Variants in RCL1 observed in about 807,000 individuals in gnomAD.
The protein encoded by RCL1 is RNA 3'-terminal phosphate cyclase-like protein.
In RCL1, 24 loss-of-function variants were observed where a neutral mutation model predicts 42.4. That is an observed-to-expected ratio of 0.57 (90% CI 0.41 to 0.80). The LOEUF (loss-of-function observed/expected upper bound fraction) is 0.80. RCL1 is among the 30% of genes least tolerant of loss of function. RCL1 has a pLI of 0.00. For synonymous variants in RCL1, 228 were observed against 177.3 expected (o/e 1.29, Z -2.27); for missense variants, 578 against 467.9 (o/e 1.24, Z -2.17).
At chr9:4,843,996 C>T (rs1032120934) in intron 6 of RCL1, among the ~76,000 whole-genome samples, 6 of 152,104 alleles carry the variant, frequency 3.9e-5, no homozygotes, top group Admixed American at 1.3e-4. Context: ...TGTTAACCTT[C>T]GACTGCATAG....
At chr9:4,850,406 C>T (rs142269012) in intron 8 of RCL1, 32 of 506,154 alleles carry the variant, frequency 6.3e-5, no homozygotes, top group African/African-American at 3.6e-4. Flanking sequence ...TTGAGGACTG[C>T]GGTGGGGCTA....
intron 3 of RCL1, chr9:4,827,459 C>G (rs1269486338): frequency 5.7e-6 from 2 of 350,672 alleles, no homozygotes; most frequent in Non-Finnish European, 1.0e-5. Context: ...CTTACCCAGG[C>G]TTCAATCATA....
Position 4,858,011 on chromosome 9 carries a change from C to G in RCL1, c.972-2114C>G, listed in dbSNP as rs76008691. On this transcript the variant is annotated intron_variant, in intron 8 of 8. Coordinates refer to ENST00000381750, the MANE Select transcript of RCL1 (RefSeq NM_005772.5). ...AGTGGTGCAATCATAGCTCGAGTAG[C>G]TAGGACTACAGGCTCCTGCCATCAT... Among the ~76,000 whole-genome samples, 190 of 138,638 alleles carry G rather than the reference C, an allele frequency of 1.4e-3. 4 individuals are homozygous for G. The East Asian group carries it at 0.039, about 28-fold the overall frequency. 91.0% of individuals were successfully genotyped at this position (138,638 alleles called of 152,430 possible).
At chr9:4,841,018 C>T (rs989969848) in intron 5 of RCL1, among the ~76,000 whole-genome samples, 2 of 152,070 alleles carry the variant, frequency 1.3e-5, no homozygotes, top group East Asian at 1.9e-4. Flanking sequence ...TTATACTTTC[C>T]ACTGTCTCTA....
chr9:4,858,693 T>A (rs1818045837), intron 8 of RCL1, among the ~76,000 whole-genome samples: 1 of 152,218 alleles, frequency 6.6e-6, no homozygotes, highest in Non-Finnish European at 1.5e-5. Flanking sequence ...TCCATTGATC[T>A]ATGTGTTTAG....
intron 3 of RCL1, among the ~76,000 whole-genome samples, chr9:4,829,154 T>C (rs536936186): frequency 6.6e-6 from 1 of 152,152 alleles, no homozygotes; most frequent in Non-Finnish European, 1.5e-5. Flanking sequence ...TTGGGCTCGA[T>C]AGAGGTAGAA....
intron 1 of RCL1, among the ~76,000 whole-genome samples, chr9:4,795,978 C>T (rs1253012494): frequency 1.3e-5 from 2 of 152,172 alleles, no homozygotes; most frequent in Non-Finnish European, 2.9e-5. Context: ...AGAGCAGACA[C>T]TTCCCTGAAA....
At chr9:4,817,527 G>A (rs1463312859) in intron 1 of RCL1, among the ~76,000 whole-genome samples, 1 of 149,822 alleles carries the variant, frequency 6.7e-6, no homozygotes, top group African/African-American at 2.5e-5. Flanking sequence ...AGGCCACAGT[G>A]CAGTGGCTCC....
chr9:4,817,896 C>T, intron 1 of RCL1, among the ~76,000 whole-genome samples: 1 of 141,520 alleles, frequency 7.1e-6, no homozygotes, highest in African/African-American at 2.6e-5. Flanking sequence ...GTTCATTTTG[C>T]TCTTACTTTT....
At chr9:4,833,295 G>A (rs1013149609) in intron 4 of RCL1, 67 bp downstream of exon 4, 32 of 1,172,658 alleles carry the variant, frequency 2.7e-5, no homozygotes, top group Non-Finnish European at 3.8e-5. Context: ...CTCATTGGAA[G>A]AGCTGTGTGA....
intron 8 of RCL1, among the ~76,000 whole-genome samples, chr9:4,859,408 T>G (rs1818081379): frequency 6.6e-6 from 1 of 152,224 alleles, no homozygotes; most frequent in Admixed American, 6.5e-5. Flanking sequence ...CTAGTCTCTA[T>G]CTATACCACT....
chr9:4,827,209 G>A, intron 3 of RCL1, 176 bp downstream of exon 3: 1 of 1,531,416 alleles, frequency 6.5e-7, no homozygotes, highest in South Asian at 1.2e-5. Flanking sequence ...CCAAAACTTA[G>A]GATCATCAAA....
At chr9:4,793,427 C>T (rs901775314) in intron 1 of RCL1, among the ~76,000 whole-genome samples, 200 bp downstream of exon 1, 8 of 152,176 alleles carry the variant, frequency 5.3e-5, no homozygotes, top group Non-Finnish European at 1.2e-4. Flanking sequence ...GGGGAGCGCT[C>T]AGCTGCAAGC....
chr9:4,834,917 G>T (rs1184743986), intron 5 of RCL1, among the ~76,000 whole-genome samples: 1 of 152,174 alleles, frequency 6.6e-6, no homozygotes, highest in Non-Finnish European at 1.5e-5. Flanking sequence ...TAATGACAGA[G>T]CTAGGATTTG....
At chr9:4,793,872 C>G (rs1842872673) in intron 1 of RCL1, among the ~76,000 whole-genome samples, 1 of 152,232 alleles carries the variant, frequency 6.6e-6, no homozygotes, top group African/African-American at 2.4e-5. Context: ...ATTGCCTTGA[C>G]TTTAGAAAAG....
At chr9:4,843,963 C>T (rs1297436970) in intron 6 of RCL1, among the ~76,000 whole-genome samples, 1 of 152,202 alleles carries the variant, frequency 6.6e-6, no homozygotes, top group Non-Finnish European at 1.5e-5. Context: ...TAACTCACTG[C>T]ACCCCCTTTC....
At chr9:4,833,355 C>G (rs946690559) in intron 4 of RCL1, 127 bp downstream of exon 4, 1 of 715,130 alleles carries the variant, frequency 1.4e-6, no homozygotes, top group East Asian at 2.6e-5. Context: ...AGAAGACTCA[C>G]AGGGCTCATG....
intron 5 of RCL1, among the ~76,000 whole-genome samples, chr9:4,838,142 C>G (rs1817199533): frequency 6.6e-6 from 1 of 152,200 alleles, no homozygotes; most frequent in African/African-American, 2.4e-5. Context: ...GACTACTGGA[C>G]TAAGCTTGGA....
chr9:4,817,581 C>T (rs138962671), intron 1 of RCL1, among the ~76,000 whole-genome samples: 388 of 151,994 alleles, frequency 2.6e-3, no homozygotes, highest in African/African-American at 8.9e-3. Context: ...TCAAGGGATC[C>T]TCCTGCCTCA....
Sources: allele counts gnomAD v4.1 joint callset (sites outside exome capture counted in the v4.1 genomes callset), GRCh38; gene constraint gnomAD v4.1.1; transcripts MANE v1.5; gene names NCBI Gene and HGNC (gene_info 2026-07-23, HGNC 2026-07-21).